Variants in CCDC154 observed in about 807,000 individuals in gnomAD.
The protein encoded by CCDC154 is coiled-coil domain containing 154, also known as coiled-coil domain-containing protein 154.
In CCDC154, 91 loss-of-function variants were observed where a neutral mutation model predicts 87.5. The observed-to-expected ratio is 1.04, with a 90% CI of 0.88 to 1.24. The LOEUF (loss-of-function observed/expected upper bound fraction) is 1.24. Among genes scored for constraint, CCDC154 ranks in the 50% most tolerant of loss-of-function variants. The pLI is 0.00. For missense variants in CCDC154, 903 were observed against 879.2 expected (o/e 1.03, Z -0.34); for synonymous variants, 418 against 400.4 (o/e 1.04, Z -0.52).
At position 1,438,682 on chromosome 16, in the gene CCDC154, G is replaced by A; in HGVS notation, c.962C>T (p.Thr321Ile). The change falls in exon 9 of 17, where the codon ACC (threonine) becomes ATC (isoleucine). Residue 321 changes from threonine to isoleucine, a missense_variant. Transcript: ENST00000389176. ...CGCCTGGTTCTGCTGCACAAACTTG[G>A]TCAGCTGGGCCACGGCAGCATCCAG... The part of the protein sequence containing the change: ...QGLDAAVAQL[T>I]KFVQQNQASL... 1.3e-6 allele frequency: 2 copies of A among 1,550,100 alleles called. No homozygotes were observed. The highest frequency in any genetic ancestry group is 1.7e-6 in the Non-Finnish European group (2 of 1,146,780).
At position 1,437,901 on chromosome 16, in the gene CCDC154, C is replaced by G. The variant is rs2038516074; in HGVS notation, c.1206G>C (p.Gln402His). ...GGAGATGGCCACTCAGCTCCTTTAA[C>G]TGCCCGGCCAGCTGCGCCACGGATG... is the stretch of plus-strand genomic sequence containing the variant. ...LEASVAQLAG[Q>H]LKELSGHLPA... Residue 402 changes from glutamine (Q) to histidine (H), a missense_variant, in exon 11 of 17, where the codon CAG becomes CAC. Physicochemically the swap from Gln to His is conservative, Grantham distance 24 (BLOSUM62 0). Transcript: ENST00000389176. The G allele has an allele frequency of 6.5e-7, 1 of 1,546,696 alleles. No homozygotes were observed. The highest frequency in any genetic ancestry group is 1.2e-5 in the South Asian group (1 of 84,056).
chr16:1,442,102 G>A (rs1395380221), intron 6 of CCDC154, among the ~76,000 whole-genome samples: 7 of 152,000 alleles, frequency 4.6e-5, no homozygotes, highest in Non-Finnish European at 1.0e-4. Flanking sequence ...ATTTTTAGTA[G>A]AGATGGGGTT....
intron 13 of CCDC154, 83 bp from the exon 14 acceptor site, chr16:1,436,169 C>A (rs1197687592): frequency 5.0e-6 from 6 of 1,190,822 alleles, no homozygotes; most frequent in Non-Finnish European, 7.2e-6. Flanking sequence ...ACTCCCACAG[C>A]CACCACAGGG....
intron 4 of CCDC154, 112 bp from the exon 5 acceptor site, chr16:1,443,087 T>G: frequency 7.1e-7 from 1 of 1,408,782 alleles, no homozygotes; most frequent in Non-Finnish European, 9.7e-7. Context: ...TTCCTGGGCC[T>G]CTGAAGGCCG....
At chr16:1,443,043 G>T in intron 4 of CCDC154, 68 bp from the exon 5 acceptor site, 1 of 1,521,444 alleles carries the variant, frequency 6.6e-7, no homozygotes, top group South Asian at 1.2e-5. Flanking sequence ...CTGGGGGTCT[G>T]GCCAAGGGGC....
chr16:1,435,821 T>C, intron 14 of CCDC154, 148 bp downstream of exon 14: 2 of 681,866 alleles, frequency 2.9e-6, no homozygotes, highest in East Asian at 2.7e-5. Flanking sequence ...CCACCCCGCC[T>C]GGCCTCCGAC....
In CCDC154 at chr16:1,434,764, G is replaced by A. The variant is rs980849763; in HGVS notation, c.1781C>T (p.Ala594Val). 29 of 1,544,738 alleles carry A rather than the reference G, an allele frequency of 1.9e-5. No individual in the cohort carries two copies. The Admixed American group carries it at 2.2e-4, about 12-fold the overall frequency. ...CCGCGGCCTCACCAGGGATGGGAGC[G>A]CCTTCCAGCTGCCCAGCGGCGTCCG... ...GPRTPLGSWK[A>V]LPSLVRPRVF... Residue 594 changes from alanine to valine, a missense_variant, in exon 16 of 17, where the codon GCG (alanine) becomes GTG (valine). Coordinates refer to ENST00000389176, the MANE Select transcript of CCDC154 (RefSeq NM_001143980.3).
At chr16:1,443,357 C>T in intron 3 of CCDC154, 56 bp from the exon 4 acceptor site, 1 of 1,519,456 alleles carries the variant, frequency 6.6e-7, no homozygotes, top group Non-Finnish European at 8.8e-7. Flanking sequence ...CTGGCACCTG[C>T]CCCTGGAGTC....
Position 1,438,824 on chromosome 16 carries a change from C to A in CCDC154, c.897G>T (p.Gly299=), listed in dbSNP as rs1238676100. The A allele has an allele frequency of 1.3e-6, 2 of 1,544,576 alleles. No individual in the cohort carries two copies. Among genetic ancestry groups the A allele is most frequent in the South Asian group, 1.2e-5 (1 of 83,740 alleles). The part of the protein sequence containing the change: ...LMEERLRALQ[G]QHEESHLLEQ... The stretch of plus-strand genomic sequence containing the variant: ...GCCCGCCCGGCCCCACCTCATGCTG[C>A]CCCTGCAGGGCCCGCAGGCGCTCCT... Residue 299 remains glycine (G), a synonymous_variant, in exon 8 of 17, where the codon GGG becomes GGT. Coordinates refer to ENST00000389176, the MANE Select transcript of CCDC154 (RefSeq NM_001143980.3).
Position 1,444,484 on chromosome 16 carries a change from G to A in CCDC154, c.-162C>T. On this transcript the variant is annotated 5_prime_UTR_variant, in exon 1 of 17. Coordinates refer to ENST00000389176, the MANE Select transcript of CCDC154 (RefSeq NM_001143980.3). ...GACGAGCTGCTGCCCTCGTCTGGCT[G>A]CCTTCTCAGGGTCCCCAGGGAGGCA... 4.6e-6 allele frequency: 3 copies of A among 657,632 alleles called. No individual in the cohort carries two copies. Among genetic ancestry groups the A allele is most frequent in the Non-Finnish European group, 6.6e-6 (3 of 457,656 alleles). 40.7% of individuals were successfully genotyped at this position (657,632 alleles called of 1,614,324 possible).
Position 1,434,574 on chromosome 16 carries a change from C to T in CCDC154, c.1878-40G>A, listed in dbSNP as rs1400079881. The T allele has an allele frequency of 4.0e-6, 6 of 1,511,368 alleles. No individual in the cohort carries two copies. In the East Asian group the frequency reaches 1.5e-4, roughly 37 times the overall value. The allele number at this position is 1,511,368 out of a possible 1,614,324, so 93.6% of individuals were successfully genotyped here. A position where few individuals can be genotyped will look rare whatever the true frequency, so the allele number is the denominator to read the frequency against. ...GGCACATGGCCCCTGCACCCCCGCC[C>T]CACCCCCCATGGCCCACCTGCTGCC... is the stretch of plus-strand genomic sequence containing the variant. On this transcript the variant is annotated intron_variant, in intron 16 of 16. Transcript: ENST00000389176.
At chr16:1,437,692 T>A (rs2038514036) in intron 11 of CCDC154, 125 bp downstream of exon 11, 1 of 1,215,944 alleles carries the variant, frequency 8.2e-7, no homozygotes, top group African/African-American at 1.5e-5. Context: ...GGACAGTCGC[T>A]GGGTGGGACG....
chr16:1,443,170 G>C, intron 4 of CCDC154, 91 bp downstream of exon 4: 1 of 1,453,526 alleles, frequency 6.9e-7, no homozygotes. Context: ...GACACCCAGC[G>C]GGAGATGTGG....
At chr16:1,443,065 C>T in intron 4 of CCDC154, 90 bp from the exon 5 acceptor site, 1 of 1,463,146 alleles carries the variant, frequency 6.8e-7, no homozygotes, top group Non-Finnish European at 9.3e-7. Context: ...CCTGTGGCCA[C>T]CTCCCATGGC....
At chr16:1,435,390 A>G in intron 14 of CCDC154, 1 of 591,268 alleles carries the variant, frequency 1.7e-6, no homozygotes, top group Non-Finnish European at 3.0e-6. Context: ...GCCAGGGCTC[A>G]GGGTTGTTCC....
chr16:1,437,122 C>T, intron 11 of CCDC154: 1 of 399,630 alleles, frequency 2.5e-6, no homozygotes, highest in Non-Finnish European at 4.6e-6. Flanking sequence ...ACGTTTGCAG[C>T]CGCGCTCGCG....
At chr16:1,444,205 G>C in intron 1 of CCDC154, 111 bp downstream of exon 1, 1 of 1,176,642 alleles carries the variant, frequency 8.5e-7, no homozygotes, top group Non-Finnish European at 1.1e-6. Context: ...CACAGCACTG[G>C]GCGGCAGGAA....
At chr16:1,436,182 A>G (rs2038500140) in intron 13 of CCDC154, 96 bp from the exon 14 acceptor site, 1 of 1,092,802 alleles carries the variant, frequency 9.2e-7, no homozygotes, top group Non-Finnish European at 1.3e-6. Flanking sequence ...CCACAGGGTT[A>G]AGGAGGCTCG....
In CCDC154 at chr16:1,439,053, A is replaced by C; in HGVS notation, c.749T>G (p.Leu250Arg). Reference protein sequence around the residue: ...LKREAKLCGFLQKSFLALEKR... With the variant: ...LKREAKLCGFRQKSFLALEKR... ...CTCCAGGGCCAGGAAGCTCTTCTGC[A>C]GGAAGCCGCACAGCTTGGCCTCCCT... The change falls in exon 7 of 17, where the codon CTG (leucine) becomes CGG (arginine). Residue 250 changes from leucine (L) to arginine (R), a missense_variant. Physicochemically the swap from Leu to Arg is moderately radical, Grantham distance 102. Coordinates refer to ENST00000389176, the MANE Select transcript of CCDC154 (RefSeq NM_001143980.3). 3 of 1,550,252 alleles carry C rather than the reference A, an allele frequency of 1.9e-6. No individual in the cohort carries two copies. The highest frequency in any genetic ancestry group is 2.6e-6 in the Non-Finnish European group (3 of 1,146,892).
Sources: allele counts gnomAD v4.1 joint callset (sites outside exome capture counted in the v4.1 genomes callset), GRCh38; gene constraint gnomAD v4.1.1; transcripts MANE v1.5; gene names NCBI Gene and HGNC (gene_info 2026-07-23, HGNC 2026-07-21).